The following RHOXF1 variants were observed in gnomAD, a reference collection of about 807,000 sequenced individuals.
RHOXF1 encodes the protein Rhox homeobox family member 1.
RHOXF1 carries 1 observed loss-of-function variant against 9.7 expected under a neutral mutation model. The observed-to-expected ratio is 0.10, with a 90% CI of 0.04 to 0.49. RHOXF1 has a LOEUF of 0.49. Among genes scored for constraint, RHOXF1 ranks in the 20% least tolerant of loss-of-function variants. The probability of loss-of-function intolerance (pLI) is 0.95; values close to 1 mark genes in which losing one functional copy is unlikely to be tolerated. For synonymous variants in RHOXF1, 72 were observed against 70.2 expected (o/e 1.03, Z -0.13); for missense variants, 179 against 168.0 (o/e 1.07, Z -0.36).
At chrX:120,113,305 T>C (rs1299845602) in intron 1 of RHOXF1, among the ~76,000 whole-genome samples, 1 of 108,985 alleles carries the variant, frequency 9.2e-6, no homozygotes, top group African/African-American at 3.4e-5. Context: ...CCATGCCCAG[T>C]TGATTTTTGT....
Position 120,115,471 on chromosome X carries a change from G to T in RHOXF1, c.392C>A (p.Pro131His), listed in dbSNP as rs781837641. Residue 131 changes from proline to histidine, a missense_variant, in exon 1 of 3, where the codon CCC becomes CAC. Coordinates refer to ENST00000217999, the MANE Select transcript of RHOXF1 (RefSeq NM_139282.3). ...VFRHTQYPDVPTRRELAENLG... is the reference protein window; with the variant it reads ...VFRHTQYPDVHTRRELAENLG... The stretch of plus-strand genomic sequence containing the variant: ...CCTGGAGCAGGCCACTTACCTTGTG[G>T]GCACATCAGGGTATTGAGTGTGTCG... The T allele has an allele frequency of 9.1e-7, 1 of 1,104,778 alleles. No homozygotes were observed. The highest frequency in any genetic ancestry group is 1.2e-6 in the Non-Finnish European group (1 of 845,022). The allele number at this position is 1,104,778 out of a possible 1,213,427, so 91.0% of individuals were successfully genotyped here. A position where few individuals can be genotyped will look rare whatever the true frequency, so the allele number is the denominator to read the frequency against.
intron 2 of RHOXF1, among the ~76,000 whole-genome samples, chrX:120,110,571 A>G (rs185601350): frequency 9.0e-6 from 1 of 111,201 alleles, no homozygotes; most frequent in African/African-American, 3.3e-5. Flanking sequence ...CCCTATTCCT[A>G]AGGCAGAAAG....
intron 2 of RHOXF1, among the ~76,000 whole-genome samples, chrX:120,109,571 A>T (rs868951302): frequency 1.4e-4 from 15 of 107,239 alleles, no homozygotes; most frequent in African/African-American, 2.8e-4. Context: ...TTATTTATTT[A>T]TTATTTATTT....
rs868930445 is a variant in RHOXF1 at position 120,115,835 on chromosome X, C to T, written c.28G>A (p.Val10Met). 3.2e-5 allele frequency: 38 copies of T among 1,188,504 alleles called. No individual in the cohort carries two copies. The highest frequency in any genetic ancestry group is 4.3e-5 in the Non-Finnish European group (38 of 888,166). Reference protein sequence around the residue: MARSLVHDTVFYCLSVYQVK... With the variant: MARSLVHDTMFYCLSVYQVK... ...TGGTATACACTCAGGCAGTAGAACA[C>T]GGTGTCGTGGACGAGCGAACGCGCC... is the stretch of plus-strand genomic sequence containing the variant. The change falls in exon 1 of 3, where the codon GTG becomes ATG. Residue 10 changes from valine to methionine, a missense_variant. Physicochemically the swap from Val to Met is conservative, Grantham distance 21. Coordinates refer to ENST00000217999, the MANE Select transcript of RHOXF1 (RefSeq NM_139282.3).
chrX:120,113,432 G>A lies in RHOXF1; in HGVS notation c.399-518C>T, dbSNP rs147509874. On this transcript the variant is annotated intron_variant, in intron 1 of 2. Coordinates refer to ENST00000217999, the MANE Select transcript of RHOXF1 (RefSeq NM_139282.3). ...ATGAACCACCGCACCCGGCCAAGAT[G>A]AATAATTTAATGCATTATTATTATT... Among the ~76,000 whole-genome samples the A allele has an allele frequency of 8.1e-3, 888 of 109,954 alleles. 11 individuals are homozygous for A. Among genetic ancestry groups the A allele is most frequent in the African/African-American group, 0.028 (837 of 30,135 alleles).
Position 120,111,104 on chromosome X carries a change from C to T in RHOXF1, c.444+1765G>A, listed in dbSNP as rs73218837. 2.6e-3 allele frequency among the ~76,000 whole-genome samples: 290 copies of T among 112,339 alleles called. 2 individuals carry two copies. The highest frequency in any genetic ancestry group is 9.2e-3 in the Middle Eastern group (2 of 218). ...ATTTATGCTGTATAGTTTGGAGATA[C>T]ATGAGAGCATTCTGTCTCTTCCCTT... On this transcript the variant is annotated intron_variant, in intron 2 of 2. Coordinates refer to ENST00000217999, the MANE Select transcript of RHOXF1 (RefSeq NM_139282.3).
Position 120,115,634 on chromosome X carries a change from G to A in RHOXF1, c.229C>T (p.Pro77Ser). The change falls in exon 1 of 3, where the codon CCT (proline) becomes TCT (serine). Residue 77 changes from proline (P) to serine (S), a missense_variant. By Grantham distance (74) the Pro-to-Ser change is moderately conservative. Coordinates refer to ENST00000217999, the MANE Select transcript of RHOXF1 (RefSeq NM_139282.3). Reference protein sequence around the residue: ...IPEGGGGNQEPRQQPQPPPEE... With the variant: ...IPEGGGGNQESRQQPQPPPEE... Reference sequence around the variant, plus strand: ...GGCGGGGGCTGCGGCTGCTGCCGAGGCTCCTGGTTTCCACCGCCGCCCTCG... The same window carrying A: ...GGCGGGGGCTGCGGCTGCTGCCGAGACTCCTGGTTTCCACCGCCGCCCTCG... 1 of 1,178,932 alleles carries A rather than the reference G, an allele frequency of 8.5e-7. No homozygotes were observed.
In RHOXF1 at chrX:120,109,309, T is replaced by C. The variant is rs782354879; in HGVS notation, c.445-7A>G. The stretch of plus-strand genomic sequence containing the variant: ...TTTTATTCTTAAACCAAACCTACAA[T>C]CAGAGGGAAAAGGGGATTGGTTTAG... On this transcript the variant is annotated splice_polypyrimidine_tract_variant and splice_region_variant and intron_variant, in intron 2 of 2. Coordinates refer to ENST00000217999, the MANE Select transcript of RHOXF1 (RefSeq NM_139282.3). The C allele has an allele frequency of 3.7e-6, 4 of 1,089,527 alleles. No homozygotes were observed. In the Admixed American group the frequency reaches 8.8e-5, roughly 24 times the overall value. The allele number at this position is 1,089,527 out of a possible 1,213,427, so 89.8% of individuals were successfully genotyped here.
intron 2 of RHOXF1, among the ~76,000 whole-genome samples, chrX:120,111,973 G>A (rs782500927): frequency 1.8e-5 from 2 of 111,412 alleles, no homozygotes; most frequent in South Asian, 3.7e-4. Context: ...ATATTTTCAG[G>A]TTGACACATC....
chrX:120,113,143 C>CT (rs1327639708), intron 1 of RHOXF1, among the ~76,000 whole-genome samples: 166 of 105,561 alleles, frequency 1.6e-3, no homozygotes, highest in African/African-American at 4.8e-3. Flanking sequence ...AGAGAAATAC[C>CT]TTTTTTTTTT....
intron 1 of RHOXF1, among the ~76,000 whole-genome samples, chrX:120,115,136 G>A (rs1437068234): frequency 1.8e-5 from 2 of 111,621 alleles, no homozygotes; most frequent in Non-Finnish European, 3.8e-5. Flanking sequence ...GAATTCTAGA[G>A]ATCTATTGCA....
intron 1 of RHOXF1, among the ~76,000 whole-genome samples, chrX:120,113,136 G>A (rs935619127): frequency 1.8e-5 from 2 of 111,009 alleles, no homozygotes; most frequent in African/African-American, 3.3e-5. Context: ...GTAATCAAGA[G>A]AAATACCTTT....
chrX:120,112,812 C>T (rs375410567), intron 2 of RHOXF1, 57 bp downstream of exon 2: 1 of 845,859 alleles, frequency 1.2e-6, no homozygotes, highest in African/African-American at 2.0e-5. Context: ...CCTTCAATGC[C>T]CTGAAGCAGG....
intron 2 of RHOXF1, among the ~76,000 whole-genome samples, chrX:120,110,716 C>T (rs1197371433): frequency 8.9e-6 from 1 of 112,520 alleles, no homozygotes; most frequent in Non-Finnish European, 1.9e-5. Flanking sequence ...TGTCACTATC[C>T]TCTCAGCAAC....
chrX:120,114,600 A>C (rs1788867773), intron 1 of RHOXF1, among the ~76,000 whole-genome samples: 1 of 111,915 alleles, frequency 8.9e-6, no homozygotes, highest in Admixed American at 9.5e-5. Context: ...AGAAAGAAAG[A>C]AAGAAAAAGC....
Position 120,115,397 on chromosome X carries a change from C to T in RHOXF1, c.398+68G>A, listed in dbSNP as rs369660425. 24 of 948,167 alleles carry T rather than the reference C, an allele frequency of 2.5e-5. No homozygotes were observed. The African/African-American group carries it at 4.0e-4, about 16-fold the overall frequency. 78.1% of individuals were successfully genotyped at this position (948,167 alleles called of 1,213,427 possible). A position where few individuals can be genotyped will look rare whatever the true frequency, so the allele number is the denominator to read the frequency against. ...GCTTTTTCCTCATGATTGGGTGGGG[C>T]AAGGGAGAGAAAAAGATGCCTCGAA... On this transcript the variant is annotated intron_variant, in intron 1 of 2. Transcript: ENST00000217999.
chrX:120,112,082 T>C (rs1555999830), intron 2 of RHOXF1, among the ~76,000 whole-genome samples: 1 of 111,646 alleles, frequency 9.0e-6, no homozygotes, highest in African/African-American at 3.3e-5. Context: ...CTTGGACATA[T>C]AAGCTATCTT....
rs1377162159 is a variant in RHOXF1, at chrX:120,115,767, G to C, written c.96C>G (p.Ser32Arg). ...CTCCTTGGCCAACATGGCCTTCTGC[G>C]CTTGATGCTGCCCCCAGCTGAGGTG... ...SPTPQLGAAS[S>R]AEGHVGQGAP... is the part of the protein sequence containing the mutation. Residue 32 changes from serine to arginine, a missense_variant, in exon 1 of 3, where the codon AGC becomes AGG. Physicochemically the swap from Ser to Arg is moderately radical, Grantham distance 110. Coordinates refer to ENST00000217999, the MANE Select transcript of RHOXF1 (RefSeq NM_139282.3). 5 of 1,205,547 alleles carry C rather than the reference G, an allele frequency of 4.1e-6. No individual in the cohort carries two copies. Among genetic ancestry groups the C allele is most frequent in the Non-Finnish European group, 5.6e-6 (5 of 894,401 alleles).
rs931167506 is a variant in RHOXF1, at chrX:120,115,847, C to G, written c.16G>C (p.Val6Leu). MARSL[V>L]HDTVFYCLSV... is the part of the protein sequence containing the mutation. ...AGGCAGTAGAACACGGTGTCGTGGA[C>G]GAGCGAACGCGCCATGGCTGGAGCG... is the stretch of plus-strand genomic sequence containing the variant. The change falls in exon 1 of 3, where the codon GTC becomes CTC. Residue 6 changes from valine to leucine, a missense_variant. By Grantham distance (32) the Val-to-Leu change is conservative. Coordinates refer to ENST00000217999, the MANE Select transcript of RHOXF1 (RefSeq NM_139282.3). 8.5e-7 allele frequency: 1 copy of G among 1,173,047 alleles called. No individual in the cohort carries two copies. The highest frequency in any genetic ancestry group is 1.8e-5 in the African/African-American group (1 of 54,463).
Sources: allele counts gnomAD v4.1 joint callset (sites outside exome capture counted in the v4.1 genomes callset), GRCh38; gene constraint gnomAD v4.1.1; transcripts MANE v1.5; gene names NCBI Gene and HGNC (gene_info 2026-07-23, HGNC 2026-07-21).